NRXN3: variants seen among roughly 807,000 people sequenced by gnomAD.
NRXN3 encodes the protein neurexin 3, also known as neurexin III.
Under a neutral mutation model 137.6 loss-of-function variants are expected in NRXN3, and 32 were observed. That is an observed-to-expected ratio of 0.23 (90% CI 0.18 to 0.31). NRXN3 has a LOEUF of 0.31. NRXN3 is among the 10% of genes least tolerant of loss of function. The probability of loss-of-function intolerance (pLI) is 1.00; values close to 1 mark genes in which losing one functional copy is unlikely to be tolerated. For synonymous variants in NRXN3, 798 were observed against 784.5 expected, an observed-to-expected ratio of 1.02 and a Z score of -0.29; for missense variants, 1,574 against 2,062.5, an observed-to-expected ratio of 0.76 and a Z score of 4.59.
At chr14:78,568,372 T>G (rs983037924) in intron 4 of NRXN3, among the ~76,000 whole-genome samples, 58 of 152,306 alleles carry the variant, frequency 3.8e-4, no homozygotes, top group Non-Finnish European at 2.5e-4. Context: ...CCTCACCTGA[T>G]GCCAAATCTT....
intron 4 of NRXN3, among the ~76,000 whole-genome samples, chr14:78,355,745 CCT>C: frequency 6.6e-6 from 1 of 152,188 alleles, no homozygotes; most frequent in Non-Finnish European, 1.5e-5. Flanking sequence ...TACGCTGTTC[CCT>C]CTACCTAGAA....
At chr14:79,340,692 G>C (rs1201268784) in intron 15 of NRXN3, among the ~76,000 whole-genome samples, 1 of 152,126 alleles carries the variant, frequency 6.6e-6, no homozygotes, top group Admixed American at 6.5e-5. Flanking sequence ...TCGAATTCTC[G>C]ACCTCAGGTG....
At chr14:79,380,901 G>T (rs1231098061) in intron 15 of NRXN3, among the ~76,000 whole-genome samples, 1 of 152,074 alleles carries the variant, frequency 6.6e-6, no homozygotes, top group Non-Finnish European at 1.5e-5. Context: ...CTGTGTGCAG[G>T]TCATGCTAAG....
intron 4 of NRXN3, among the ~76,000 whole-genome samples, chr14:78,631,641 C>A (rs375862746): frequency 2.0e-4 from 30 of 152,256 alleles, no homozygotes; most frequent in African/African-American, 7.2e-4. Context: ...TTTGTTGTTT[C>A]TTTTAATCAC....
intron 15 of NRXN3, among the ~76,000 whole-genome samples, chr14:79,253,418 G>A (rs1027534082): frequency 6.6e-6 from 1 of 152,280 alleles, no homozygotes; most frequent in East Asian, 1.9e-4. Flanking sequence ...TGACATATGC[G>A]AGAAGGTCCT....
At chr14:78,498,670 A>G (rs1478536983) in intron 4 of NRXN3, among the ~76,000 whole-genome samples, 1 of 152,224 alleles carries the variant, frequency 6.6e-6, no homozygotes, top group Non-Finnish European at 1.5e-5. Context: ...GAGTACCTCT[A>G]GAAAAATTGC....
At chr14:78,867,914 G>A (rs1043822478) in intron 10 of NRXN3, among the ~76,000 whole-genome samples, 3 of 149,762 alleles carry the variant, frequency 2.0e-5, no homozygotes, top group African/African-American at 7.3e-5. Flanking sequence ...GCTTCTTTAT[G>A]AATGAATATA....
chr14:79,043,470 G>T (rs2099628279), intron 15 of NRXN3, among the ~76,000 whole-genome samples: 1 of 152,174 alleles, frequency 6.6e-6, no homozygotes, highest in African/African-American at 2.4e-5. Flanking sequence ...GTTAGGCCTG[G>T]TGTCCCTTCC....
intron 19 of NRXN3, among the ~76,000 whole-genome samples, chr14:79,701,001 A>G (rs1464827614): frequency 6.6e-6 from 1 of 152,098 alleles, no homozygotes; most frequent in Non-Finnish European, 1.5e-5. Flanking sequence ...TGCTCAGTAA[A>G]TATTTACTGA....
intron 4 of NRXN3, among the ~76,000 whole-genome samples, chr14:78,433,797 A>G (rs1246833792): frequency 3.9e-5 from 6 of 152,146 alleles, no homozygotes; most frequent in African/African-American, 7.2e-5. Flanking sequence ...CCCAGTCTCC[A>G]GTATTCTATT....
At chr14:79,852,639 T>C (rs2099394166) in intron 20 of NRXN3, among the ~76,000 whole-genome samples, 1 of 144,486 alleles carries the variant, frequency 6.9e-6, no homozygotes, top group African/African-American at 2.4e-5. Flanking sequence ...AATTAGTTTT[T>C]AAAGAAAATG....
chr14:78,572,427 G>T (rs1037289966), intron 4 of NRXN3, among the ~76,000 whole-genome samples: 3 of 152,108 alleles, frequency 2.0e-5, no homozygotes, highest in African/African-American at 7.2e-5. Context: ...GCCCTCTATG[G>T]CTTTTTGCAC....
intron 15 of NRXN3, among the ~76,000 whole-genome samples, chr14:79,437,329 A>T (rs1416728184): frequency 6.6e-6 from 1 of 151,848 alleles, no homozygotes; most frequent in Non-Finnish European, 1.5e-5. Context: ...CCTAATTTTC[A>T]TTGTGATGAA....
intron 15 of NRXN3, among the ~76,000 whole-genome samples, chr14:79,186,833 A>C (rs1182589959): frequency 2.0e-5 from 3 of 152,324 alleles, no homozygotes; most frequent in Middle Eastern, 6.8e-3. Context: ...GATACGGGTC[A>C]AACATTTAAG....
chr14:78,952,946 C>G (rs1166609469), intron 10 of NRXN3, among the ~76,000 whole-genome samples: 1 of 152,162 alleles, frequency 6.6e-6, no homozygotes, highest in Non-Finnish European at 1.5e-5. Flanking sequence ...ATTTCTACCC[C>G]CTGCGTATGA....
Position 79,623,849 on chromosome 14 carries a change from GTT to G in NRXN3, c.3445-39910_3445-39909del, listed in dbSNP as rs571687023. Among the ~76,000 whole-genome samples, 27 of 98,002 alleles carry G rather than the reference GTT, an allele frequency of 2.8e-4. 1 individual carries two copies. The highest frequency in any genetic ancestry group is 6.1e-4 in the East Asian group (2 of 3,262). The allele number at this position is 98,002 out of a possible 152,430, so 64.3% of individuals were successfully genotyped here. ...AGAAATCACTGAGTCCTTAGCTCCT[GTT>G]TTTTTTTTTTTTTTTTTTGGTTGTT... is the stretch of plus-strand genomic sequence containing the variant. On this transcript the variant is annotated intron_variant, in intron 16 of 20. Transcript: ENST00000335750.
rs1422255146 is a variant in NRXN3, at chr14:78,484,023, CACACAG to C, written c.758-161095_758-161090del. On this transcript the variant is annotated intron_variant, in intron 4 of 20. Coordinates refer to ENST00000335750, the MANE Select transcript of NRXN3 (RefSeq NM_001330195.2). ...ACACACACACACACACACACACACA[CACACAG>C]AGAGAGAGAGAGAGAGAGAGCAAAA... 8.8e-3 allele frequency among the ~76,000 whole-genome samples: 918 copies of C among 104,004 alleles called. 7 individuals are homozygous for C. Among genetic ancestry groups the C allele is most frequent in the African/African-American group, 0.029 (740 of 25,784 alleles). The allele number at this position is 104,004 out of a possible 152,430, so 68.2% of individuals were successfully genotyped here.
At chr14:79,516,351 A>C (rs570516327) in intron 16 of NRXN3, among the ~76,000 whole-genome samples, 2 of 152,238 alleles carry the variant, frequency 1.3e-5, no homozygotes, top group Non-Finnish European at 2.9e-5. Flanking sequence ...TGGGGCAGAC[A>C]CTGGACTCAG....
chr14:79,189,269 C>T (rs1254400021), intron 15 of NRXN3, among the ~76,000 whole-genome samples: 6 of 151,788 alleles, frequency 4.0e-5, no homozygotes, highest in African/African-American at 1.5e-4. Flanking sequence ...TCATCATTCT[C>T]AGTAAACTAT....
Sources: allele counts gnomAD v4.1 joint callset (sites outside exome capture counted in the v4.1 genomes callset), GRCh38; gene constraint gnomAD v4.1.1; transcripts MANE v1.5; gene names NCBI Gene and HGNC (gene_info 2026-07-23, HGNC 2026-07-21).